Variants in NSD2 observed in about 807,000 individuals in gnomAD.
The protein encoded by NSD2 is histone-lysine N-methyltransferase NSD2.
Under a neutral mutation model 139.0 loss-of-function variants are expected in NSD2, and 12 were observed. The ratio of observed to expected loss-of-function variants is 0.09; its 90% CI spans 0.06 to 0.14. NSD2 has a LOEUF of 0.14. Ranked by LOEUF, NSD2 falls within the 10% of genes least tolerant of loss-of-function variation. The probability of loss-of-function intolerance (pLI) is 1.00; values close to 1 mark genes in which losing one functional copy is unlikely to be tolerated. For missense variants in NSD2, 1,155 were observed against 1,745.0 expected (o/e 0.66, Z 6.02); for synonymous variants, 669 against 648.7 (o/e 1.03, Z -0.48).
chr4:1,900,995 C>G lies in NSD2; in HGVS notation c.341C>G (p.Thr114Ser), dbSNP rs200319561. 1.0e-4 allele frequency: 168 copies of G among 1,614,096 alleles called. No individual in the cohort carries two copies. Among genetic ancestry groups the G allele is most frequent in the Non-Finnish European group, 1.4e-4 (163 of 1,180,050 alleles). Residue 114 changes from threonine to serine, a missense_variant, in exon 2 of 22, where the codon ACT becomes AGT. Physicochemically the swap from Thr to Ser is moderately conservative, Grantham distance 58. Around this residue, in one of 8 missense-constraint regions of NSD2, gnomAD observed 246 missense variants for 262.8 expected, o/e 0.94. Coordinates refer to ENST00000508803, the MANE Select transcript of NSD2 (RefSeq NM_001042424.3). ...EMKGIGTPPN[T>S]TPIKNGSPEI... ...AAAGGGATTGGGACACCCCCTAACACTACCCCTATCAAAAATGGCTCTCCA... is the reference window on the plus strand; with the variant it reads ...AAAGGGATTGGGACACCCCCTAACAGTACCCCTATCAAAAATGGCTCTCCA...
rs1238938071 is a variant in NSD2, at chr4:1,918,322, T to C, written c.1109T>C (p.Leu370Ser). 11 of 1,613,884 alleles carry C rather than the reference T, an allele frequency of 6.8e-6. No individual in the cohort carries two copies. The South Asian group carries it at 9.9e-5, about 15-fold the overall frequency. Reference protein sequence around the residue: ...AKEAGIAAESLGEMAESSGVS... With the variant: ...AKEAGIAAESSGEMAESSGVS... ...GAGGCTGGCATTGCTGCAGAGTCTT[T>C]GGGAGAAATGGCAGAATCCTCAGGA... The change falls in exon 5 of 22, where the codon TTG (leucine) becomes TCG (serine). Residue 370 changes from leucine to serine, a missense_variant. Leu to Ser is a moderately radical substitution (Grantham distance 145). Coordinates refer to ENST00000508803, the MANE Select transcript of NSD2 (RefSeq NM_001042424.3).
chr4:1,885,300 G>A (rs1715005716), intron 1 of NSD2, among the ~76,000 whole-genome samples: 1 of 152,134 alleles, frequency 6.6e-6, no homozygotes, highest in Non-Finnish European at 1.5e-5. Context: ...GTAAAGGGCA[G>A]AAACAAGACA....
chr4:1,967,963 A>G (rs2108998644), intron 18 of NSD2, among the ~76,000 whole-genome samples: 1 of 152,316 alleles, frequency 6.6e-6, no homozygotes. Flanking sequence ...AAGATGGGTT[A>G]TCTGGGAAAT....
Position 1,982,013 on chromosome 4 carries a change from G to A in NSD2, c.*3104G>A. 2.5e-6 allele frequency: 1 copy of A among 398,402 alleles called. No homozygotes were observed. Among genetic ancestry groups the A allele is most frequent in the Non-Finnish European group, 4.4e-6 (1 of 225,988 alleles). The allele number at this position is 398,402 out of a possible 1,614,324, so 24.7% of individuals were successfully genotyped here. ...AGGTCAGATTCCTTTTAGGAATACT[G>A]GGTGCTGTCACCAGGTTTGATAGTT... On this transcript the variant is annotated 3_prime_UTR_variant, in exon 22 of 22. Transcript: ENST00000508803.
chr4:1,874,727 A>G (rs909302226), intron 1 of NSD2, among the ~76,000 whole-genome samples: 5 of 152,342 alleles, frequency 3.3e-5, no homozygotes, highest in Non-Finnish European at 5.9e-5. Context: ...ATGGAGCAAG[A>G]AATCTACCTC....
In NSD2 at chr4:1,972,831, A is replaced by G. The variant is rs1026596380; in HGVS notation, c.3373-2032A>G. ...CGGAAGATTCCATTGGGAGCTGGGA[A>G]GCTATGGGAAAGTTTTTGACACATT... On this transcript the variant is annotated intron_variant, in intron 18 of 21. Transcript: ENST00000508803. This position sits in a 1 kb window ranked among gnomAD's most constrained non-coding sequence, Gnocchi z 4.0. Among the ~76,000 whole-genome samples, 5 of 152,306 alleles carry G rather than the reference A, an allele frequency of 3.3e-5. No homozygotes were observed. The highest frequency in any genetic ancestry group is 9.6e-5 in the African/African-American group (4 of 41,566).
At chr4:1,957,258 A>G (rs980068675) in intron 15 of NSD2, among the ~76,000 whole-genome samples, 5 of 150,548 alleles carry the variant, frequency 3.3e-5, no homozygotes, top group Non-Finnish European at 7.4e-5. Flanking sequence ...TTGTTTCGAG[A>G]GGAGCTCAGC....
chr4:1,878,251 ATTTTTTTTT>A lies in NSD2; in HGVS notation c.-30+6734_-30+6742del, dbSNP rs71589624. Among the ~76,000 whole-genome samples, 149 of 29,200 alleles carry A rather than the reference ATTTTTTTTT, an allele frequency of 5.1e-3. 1 individual carries two copies. The highest frequency in any genetic ancestry group is 0.033 in the Middle Eastern group (1 of 30). The allele number at this position is 29,200 out of a possible 152,430, so 19.2% of individuals were successfully genotyped here. A position where few individuals can be genotyped will look rare whatever the true frequency, so the allele number is the denominator to read the frequency against. On this transcript the variant is annotated intron_variant, in intron 1 of 21. Coordinates refer to ENST00000508803, the MANE Select transcript of NSD2 (RefSeq NM_001042424.3). Reference sequence around the variant, plus strand: ...GATATATATATATATATATATATATATTTTTTTTTTTTTTTTTTTTTTTTTTTTTTTTTG... The same window carrying A: ...GATATATATATATATATATATATATATTTTTTTTTTTTTTTTTTTTTTTTG...
intron 9 of NSD2, chr4:1,945,611 G>A: frequency 2.8e-6 from 3 of 1,064,942 alleles, no homozygotes; most frequent in Non-Finnish European, 3.4e-6. Flanking sequence ...TGGCAGGGCT[G>A]TGAGCTGGGC....
At position 1,955,016 on chromosome 4, in the gene NSD2, G is replaced by A. The variant is rs1724657180; in HGVS notation, c.2339-145G>A. 2.1e-6 allele frequency: 2 copies of A among 969,116 alleles called. No individual in the cohort carries two copies. The highest frequency in any genetic ancestry group is 3.0e-6 in the Non-Finnish European group (2 of 663,268). The allele number at this position is 969,116 out of a possible 1,614,324, so 60.0% of individuals were successfully genotyped here. On this transcript the variant is annotated intron_variant, in intron 12 of 21. Coordinates refer to ENST00000508803, the MANE Select transcript of NSD2 (RefSeq NM_001042424.3). The surrounding 1 kb of genome is among the most constrained non-coding windows in gnomAD (Gnocchi z 4.7). ...CATGGTTTTGAAGCACCTTTGCTCT[G>A]AAAGCTTTTTTTAAATCAAATACCT...
Position 1,953,540 on chromosome 4 carries a change from C to T in NSD2, c.2338+16C>T, listed in dbSNP as rs376706695. The T allele has an allele frequency of 1.6e-5, 25 of 1,588,566 alleles. No homozygotes were observed. The highest frequency in any genetic ancestry group is 1.7e-4 in the Middle Eastern group (1 of 5,886). On this transcript the variant is annotated intron_variant, in intron 12 of 21. Coordinates refer to ENST00000508803, the MANE Select transcript of NSD2 (RefSeq NM_001042424.3). The stretch of plus-strand genomic sequence containing the variant: ...CCGTCAAAAGGTACAGGTGCACCTG[C>T]GCAGCCTTGCTGTGGGTTCAGATGC...
chr4:1,917,145 C>T, intron 4 of NSD2, 108 bp downstream of exon 4: 3 of 1,076,566 alleles, frequency 2.8e-6, no homozygotes, highest in Non-Finnish European at 1.3e-6. Context: ...ATTGTAATGG[C>T]TTAACAATCT....
At chr4:1,964,935 A>C (rs995684992) in intron 18 of NSD2, among the ~76,000 whole-genome samples, 1 of 152,098 alleles carries the variant, frequency 6.6e-6, no homozygotes, top group African/African-American at 2.4e-5. Context: ...AGCCTGCAAC[A>C]ATCAAAACAA....
chr4:1,916,391 G>A (rs1719401260), intron 3 of NSD2, among the ~76,000 whole-genome samples: 1 of 152,028 alleles, frequency 6.6e-6, no homozygotes, highest in Non-Finnish European at 1.5e-5. Context: ...TGTCACCCAG[G>A]CTGGAGAGCA....
intron 2 of NSD2, among the ~76,000 whole-genome samples, chr4:1,902,070 G>T (rs1717257380): frequency 6.6e-6 from 1 of 152,156 alleles, no homozygotes; most frequent in African/African-American, 2.4e-5. Flanking sequence ...AGCAGTCTCT[G>T]TTCATCTGGT....
intron 1 of NSD2, among the ~76,000 whole-genome samples, chr4:1,873,481 A>C (rs1034995320): frequency 5.3e-5 from 8 of 152,216 alleles, no homozygotes; most frequent in African/African-American, 1.7e-4. Flanking sequence ...CAGCTTATCC[A>C]GGGCTTTCAA....
At position 1,942,830 on chromosome 4, in the gene NSD2, C is replaced by A. The variant is rs1480779017; in HGVS notation, c.1881+3052C>A. 9.4e-7 allele frequency: 1 copy of A among 1,068,704 alleles called. No individual in the cohort carries two copies. Among genetic ancestry groups the A allele is most frequent in the Non-Finnish European group, 1.1e-6 (1 of 881,200 alleles). 66.2% of individuals were successfully genotyped at this position (1,068,704 alleles called of 1,614,324 possible). ...ACTAACAGCACACGTTAGGAGGAGT[C>A]CTCATCAGCTGTTCTCATTGCCAGT... is the stretch of plus-strand genomic sequence containing the variant. On this transcript the variant is annotated intron_variant, in intron 9 of 21. Transcript: ENST00000508803. The surrounding 1 kb of genome is among the most constrained non-coding windows in gnomAD (Gnocchi z 4.0).
chr4:1,975,600 C>T, intron 20 of NSD2, 200 bp downstream of exon 20: 1 of 564,650 alleles, frequency 1.8e-6, no homozygotes, highest in South Asian at 2.2e-5. Context: ...GAACGTGTTT[C>T]CTGGGGCTGC....
chr4:1,948,858 C>A lies in NSD2; in HGVS notation c.1882-2214C>A. On this transcript the variant is annotated intron_variant, in intron 9 of 21. Transcript: ENST00000508803. This position sits in a 1 kb window ranked among gnomAD's most constrained non-coding sequence, Gnocchi z 4.5. ...TGTGTTTTCTGTCTTTCTCTCCATG[C>A]ATTTTTTTTCTCATTTTTAAAGCTT... 1 of 973,828 alleles carries A rather than the reference C, an allele frequency of 1.0e-6. No homozygotes were observed. The highest frequency in any genetic ancestry group is 1.2e-6 in the Non-Finnish European group (1 of 808,798). 60.3% of individuals were successfully genotyped at this position (973,828 alleles called of 1,614,324 possible).
Sources: allele counts gnomAD v4.1 joint callset (sites outside exome capture counted in the v4.1 genomes callset), GRCh38; gene constraint gnomAD v4.1.1; regional missense constraint gnomAD v4.1.1; non-coding constraint Gnocchi (gnomAD v3.1); transcripts MANE v1.5; gene names NCBI Gene and HGNC (gene_info 2026-07-23, HGNC 2026-07-21).